Variants in THRB observed in about 807,000 individuals in gnomAD.
THRB encodes nuclear receptor subfamily 1 group A member 2.
A neutral mutation model predicts 47.8 loss-of-function variants in THRB; 12 were observed. That is an observed-to-expected ratio of 0.25 (90% CI 0.16 to 0.41). The LOEUF is 0.41. Ranked by LOEUF, THRB falls within the 10% of genes least tolerant of loss-of-function variation. The pLI, the probability that THRB is intolerant of heterozygous loss-of-function variation, is 1.00. For synonymous variants in THRB, 218 were observed against 212.2 expected (o/e 1.03, Z -0.24); for missense variants, 348 against 589.2 (o/e 0.59, Z 4.24).
chr3:24,428,627 C>A (rs1053531718), intron 1 of THRB, among the ~76,000 whole-genome samples: 51 of 152,000 alleles, frequency 3.4e-4, no homozygotes, highest in African/African-American at 1.1e-3. Flanking sequence ...AAAAGATGAG[C>A]TAAAGCTGCA....
intron 9 of THRB, among the ~76,000 whole-genome samples, chr3:24,129,817 GTGGTTTTGCATGT>G (rs1408858694): frequency 6.6e-6 from 1 of 152,244 alleles, no homozygotes; most frequent in Non-Finnish European, 1.5e-5. Flanking sequence ...CACTCTAGGA[GTGGTTTTGCATGT>G]TGTTTTGGCA....
chr3:24,186,668 G>A (rs944684915), intron 5 of THRB, among the ~76,000 whole-genome samples: 1 of 152,094 alleles, frequency 6.6e-6, no homozygotes, highest in Non-Finnish European at 1.5e-5. Context: ...CAGTAAGGCC[G>A]GGTGCAGTGG....
chr3:24,477,535 G>A (rs1422088053), intron 1 of THRB, among the ~76,000 whole-genome samples: 1 of 152,132 alleles, frequency 6.6e-6, no homozygotes, highest in Non-Finnish European at 1.5e-5. Flanking sequence ...TTGGTGATGT[G>A]TATACTGCTG....
rs1035161427 is a variant in THRB, at chr3:24,332,823, G to A, written c.-189+4477C>T. On this transcript the variant is annotated intron_variant, in intron 2 of 10. Transcript: ENST00000646209. ...TGTAATCTCAGCACTTTGGGAGGCC[G>A]AGGCGGGCGGATCACGAGGTCAGGA... 3.9e-5 allele frequency among the ~76,000 whole-genome samples: 6 copies of A among 152,162 alleles called. No individual in the cohort carries two copies. The East Asian group carries it at 7.7e-4, about 20-fold the overall frequency.
At chr3:24,183,179 G>A (rs2042123248) in intron 5 of THRB, among the ~76,000 whole-genome samples, 1 of 151,908 alleles carries the variant, frequency 6.6e-6, no homozygotes, top group Admixed American at 6.6e-5. Context: ...TTTTTATATA[G>A]TTCAATGTAT....
At chr3:24,409,611 A>C (rs2068111195) in intron 1 of THRB, among the ~76,000 whole-genome samples, 1 of 151,834 alleles carries the variant, frequency 6.6e-6, no homozygotes, top group Non-Finnish European at 1.5e-5. Context: ...TAAATGAATT[A>C]AATGAACTAA....
chr3:24,174,699 C>G (rs1450594747), intron 5 of THRB, among the ~76,000 whole-genome samples: 2 of 152,220 alleles, frequency 1.3e-5, no homozygotes, highest in Non-Finnish European at 2.9e-5. Flanking sequence ...TGAACAGCAT[C>G]TCTCTGGCTT....
rs374266062 is a variant in THRB at position 24,437,870 on chromosome 3, G to A, written c.-261+56782C>T. On this transcript the variant is annotated intron_variant, in intron 1 of 10. Coordinates refer to ENST00000646209, the MANE Select transcript of THRB (RefSeq NM_001354712.2). The stretch of plus-strand genomic sequence containing the variant: ...CTATACAACTCTATACCTCCCTGAT[G>A]ACACAGATCATCCCCCACCTTAAAT... 2.0e-4 allele frequency among the ~76,000 whole-genome samples: 30 copies of A among 151,822 alleles called. No individual in the cohort carries two copies. The South Asian group carries it at 6.3e-3, about 32-fold the overall frequency.
chr3:24,440,902 CAA>C (rs2071461931), intron 1 of THRB, among the ~76,000 whole-genome samples: 1 of 152,064 alleles, frequency 6.6e-6, no homozygotes, highest in African/African-American at 2.4e-5. Flanking sequence ...CTTAAAAGAC[CAA>C]AAGTTATTTC....
intron 1 of THRB, among the ~76,000 whole-genome samples, chr3:24,440,988 C>T (rs991245590): frequency 2.0e-5 from 3 of 152,152 alleles, no homozygotes; most frequent in Non-Finnish European, 4.4e-5. Context: ...AGGCTGAAAT[C>T]AAGGTGTTAG....
At chr3:24,472,032 T>A (rs1694778421) in intron 1 of THRB, among the ~76,000 whole-genome samples, 1 of 152,164 alleles carries the variant, frequency 6.6e-6, no homozygotes, top group Non-Finnish European at 1.5e-5. Flanking sequence ...CTTTTCTCTT[T>A]CAGGTATTTT....
rs1187716385 is a variant in THRB, at chr3:24,442,840, AC to A, written c.-261+51811del. On this transcript the variant is annotated intron_variant, in intron 1 of 10. Transcript: ENST00000646209. ...ACTCCGTCTCAAAAAAAAAAAAAAA[AC>A]AAAAACAAAAACAGAAAACTAAGGA... 2.5e-3 allele frequency among the ~76,000 whole-genome samples: 376 copies of A among 150,892 alleles called. 1 individual carries two copies. The highest frequency in any genetic ancestry group is 8.6e-3 in the African/African-American group (350 of 40,820).
intron 1 of THRB, among the ~76,000 whole-genome samples, chr3:24,356,752 T>C (rs1159360529): frequency 3.3e-5 from 5 of 152,100 alleles, no homozygotes; most frequent in Admixed American, 6.6e-5. Flanking sequence ...AAGTCAGACA[T>C]GATGGTGAAA....
intron 8 of THRB, among the ~76,000 whole-genome samples, chr3:24,136,134 G>A (rs1417647440): frequency 6.6e-6 from 1 of 151,942 alleles, no homozygotes; most frequent in Non-Finnish European, 1.5e-5. Flanking sequence ...GAAAAAAGGA[G>A]AGAAAGTATG....
At position 24,190,292 on chromosome 3, in the gene THRB, T is replaced by C. The variant is rs1442088068; in HGVS notation, c.65A>G (p.Asp22Gly). 2 of 1,614,128 alleles carry C rather than the reference T, an allele frequency of 1.2e-6. No individual in the cohort carries two copies. The highest frequency in any genetic ancestry group is 1.7e-6 in the Non-Finnish European group (2 of 1,179,960). Reference sequence around the variant, plus strand: ...TACTAGCTTCCAGTCGTGTTCTCGGTCTGGACAGTGCTTCGGTTTGTCCCA... The same window carrying C: ...TACTAGCTTCCAGTCGTGTTCTCGGCCTGGACAGTGCTTCGGTTTGTCCCA... ...TAWDKPKHCP[D>G]REHDWKLVGM... Residue 22 changes from aspartate to glycine, a missense_variant, in exon 5 of 11, where the codon GAC becomes GGC. Asp to Gly is a moderately conservative substitution (Grantham distance 94). This residue lies in a region of THRB where 148 missense variants were observed against 122.3 expected (regional missense o/e 1.21). Coordinates refer to ENST00000646209, the MANE Select transcript of THRB (RefSeq NM_001354712.2).
chr3:24,287,880 C>A (rs190416057), intron 3 of THRB, among the ~76,000 whole-genome samples: 169 of 152,232 alleles, frequency 1.1e-3, no homozygotes, highest in Non-Finnish European at 1.8e-3. Context: ...CACCAGTAGC[C>A]AAAGGCCAAG....
chr3:24,413,265 A>G (rs997219529), intron 1 of THRB, among the ~76,000 whole-genome samples: 4 of 151,944 alleles, frequency 2.6e-5, no homozygotes, highest in Non-Finnish European at 5.9e-5. Flanking sequence ...GAATTTTAAT[A>G]AAATGAAAAC....
At chr3:24,186,079 C>T (rs1031743724) in intron 5 of THRB, among the ~76,000 whole-genome samples, 1 of 152,208 alleles carries the variant, frequency 6.6e-6, no homozygotes, top group Non-Finnish European at 1.5e-5. Context: ...ATGCACATTT[C>T]CTAAGTGCCC....
intron 3 of THRB, among the ~76,000 whole-genome samples, chr3:24,283,968 G>A (rs1440602036): frequency 7.6e-6 from 1 of 131,662 alleles, no homozygotes. Flanking sequence ...ATGCTCATGG[G>A]TAGGAAGAAT....
Sources: allele counts gnomAD v4.1 joint callset (sites outside exome capture counted in the v4.1 genomes callset), GRCh38; gene constraint gnomAD v4.1.1; regional missense constraint gnomAD v4.1.1; transcripts MANE v1.5; gene names NCBI Gene and HGNC (gene_info 2026-07-23, HGNC 2026-07-21).